Variants in SH2D4A observed in about 807,000 individuals in gnomAD.
SH2D4A encodes SH2 domain containing 4A.
Under a neutral mutation model 64.7 loss-of-function variants are expected in SH2D4A, and 70 were observed. The ratio of observed to expected loss-of-function variants is 1.08; its 90% CI spans 0.89 to 1.32. The LOEUF (loss-of-function observed/expected upper bound fraction) is 1.32, where lower values mean the gene tolerates loss of function less well. SH2D4A is among the 40% of genes most tolerant of loss of function. The probability of loss-of-function intolerance (pLI) is 0.00; values close to 1 mark genes in which losing one functional copy is unlikely to be tolerated. For synonymous variants in SH2D4A, 268 were observed against 200.7 expected (o/e 1.34, Z -2.83); for missense variants, 706 against 540.1 (o/e 1.31, Z -3.04).
chr8:19,389,727 C>T (rs572208095), intron 8 of SH2D4A, among the ~76,000 whole-genome samples: 1 of 152,266 alleles, frequency 6.6e-6, no homozygotes, highest in Non-Finnish European at 1.5e-5. Flanking sequence ...CCAACCTGGG[C>T]AACATGGCGA....
chr8:19,348,039 A>G (rs2052639046), intron 4 of SH2D4A, among the ~76,000 whole-genome samples: 1 of 152,210 alleles, frequency 6.6e-6, no homozygotes, highest in Non-Finnish European at 1.5e-5. Flanking sequence ...ACTAAAGTGT[A>G]CATTTTAGTT....
intron 2 of SH2D4A, among the ~76,000 whole-genome samples, chr8:19,322,047 T>G (rs1395310849): frequency 6.6e-6 from 1 of 152,204 alleles, no homozygotes; most frequent in African/African-American, 2.4e-5. Flanking sequence ...ACGTCAAAAG[T>G]GTATTACTCC....
intron 4 of SH2D4A, among the ~76,000 whole-genome samples, chr8:19,350,621 C>A (rs1169077334): frequency 6.6e-6 from 1 of 152,100 alleles, no homozygotes; most frequent in African/African-American, 2.4e-5. Context: ...GTAGCTGGAA[C>A]TACAGGCGCA....
chr8:19,392,517 C>T (rs138005822), intron 8 of SH2D4A, among the ~76,000 whole-genome samples: 128 of 152,172 alleles, frequency 8.4e-4, no homozygotes, highest in Non-Finnish European at 1.0e-3. Flanking sequence ...CACCTTTGTC[C>T]GAGTGGTTGA....
intron 4 of SH2D4A, among the ~76,000 whole-genome samples, chr8:19,353,699 A>G (rs1415399461): frequency 8.5e-6 from 1 of 118,224 alleles, no homozygotes; most frequent in African/African-American, 3.3e-5. Flanking sequence ...TTTTTTTAAT[A>G]AAGGAAATAA....
At position 19,313,726 on chromosome 8, in the gene SH2D4A, G is replaced by A. The variant is rs959767139; in HGVS notation, c.-302G>A. 5.1e-5 allele frequency: 76 copies of A among 1,502,388 alleles called. No individual in the cohort carries two copies. The East Asian group carries it at 2.0e-3, about 40-fold the overall frequency. The allele number at this position is 1,502,388 out of a possible 1,614,324, so 93.1% of individuals were successfully genotyped here. A position where few individuals can be genotyped will look rare whatever the true frequency, so the allele number is the denominator to read the frequency against. Reference sequence around the variant, plus strand: ...TCAGCCCGCCTGCGCCGCTTGGGACGCCTCTGCCTTTCCCTCCCTCCCTTC... The same window carrying A: ...TCAGCCCGCCTGCGCCGCTTGGGACACCTCTGCCTTTCCCTCCCTCCCTTC... On this transcript the variant is annotated 5_prime_UTR_variant, in exon 1 of 10. Transcript: ENST00000265807.
At chr8:19,338,828 G>C (rs1177210678) in intron 4 of SH2D4A, among the ~76,000 whole-genome samples, 5 of 152,204 alleles carry the variant, frequency 3.3e-5, no homozygotes, top group Admixed American at 6.5e-5. Flanking sequence ...AGTACAATCT[G>C]GTAGGATTTT....
At chr8:19,354,534 C>T (rs1032308161) in intron 4 of SH2D4A, among the ~76,000 whole-genome samples, 12 of 152,164 alleles carry the variant, frequency 7.9e-5, no homozygotes, top group Middle Eastern at 3.4e-3. Flanking sequence ...AATTCATAAC[C>T]GCGTCAGATC....
At chr8:19,363,202 A>G (rs1484464451) in intron 6 of SH2D4A, among the ~76,000 whole-genome samples, 1 of 152,038 alleles carries the variant, frequency 6.6e-6, no homozygotes, top group Non-Finnish European at 1.5e-5. Flanking sequence ...CAGCCTCCCC[A>G]GTAGCTAGGA....
chr8:19,389,591 G>A (rs536530223), intron 8 of SH2D4A, among the ~76,000 whole-genome samples: 11 of 152,236 alleles, frequency 7.2e-5, no homozygotes, highest in African/African-American at 2.2e-4. Context: ...CAGACCTCAC[G>A]CAGTGACATC....
chr8:19,380,298 A>C (rs1368801756), intron 8 of SH2D4A, among the ~76,000 whole-genome samples: 1 of 152,166 alleles, frequency 6.6e-6, no homozygotes, highest in Non-Finnish European at 1.5e-5. Flanking sequence ...TAATTTAAAA[A>C]TATTTTCGCC....
intron 8 of SH2D4A, chr8:19,375,279 A>C (rs2053173415): frequency 6.6e-6 from 1 of 152,236 alleles, no homozygotes; most frequent in African/African-American, 2.4e-5. Context: ...AAGAAGATAC[A>C]GTTTCACATT....
At chr8:19,352,633 C>A (rs1014335283) in intron 4 of SH2D4A, among the ~76,000 whole-genome samples, 1 of 152,162 alleles carries the variant, frequency 6.6e-6, no homozygotes, top group Non-Finnish European at 1.5e-5. Context: ...CATATGTTCT[C>A]TCTGGGAGAC....
chr8:19,326,829 A>T (rs937380684), intron 2 of SH2D4A, among the ~76,000 whole-genome samples: 1 of 152,134 alleles, frequency 6.6e-6, no homozygotes, highest in Non-Finnish European at 1.5e-5. Context: ...ACCTTAGCTG[A>T]ATCTAAGGCT....
At chr8:19,321,510 G>A (rs2052191650) in intron 2 of SH2D4A, among the ~76,000 whole-genome samples, 1 of 152,156 alleles carries the variant, frequency 6.6e-6, no homozygotes, top group Non-Finnish European at 1.5e-5. Context: ...CACTGAAGCT[G>A]GCCATGAAAC....
chr8:19,385,005 T>C (rs944351905), intron 8 of SH2D4A, among the ~76,000 whole-genome samples: 3 of 152,224 alleles, frequency 2.0e-5, no homozygotes, highest in African/African-American at 7.2e-5. Context: ...ATGAACACTC[T>C]TACTCAAATG....
intron 4 of SH2D4A, among the ~76,000 whole-genome samples, chr8:19,355,694 C>T (rs1486343914): frequency 6.6e-6 from 1 of 152,174 alleles, no homozygotes; most frequent in Non-Finnish European, 1.5e-5. Context: ...TGTTGCCCAT[C>T]CATCACAGAT....
At chr8:19,386,117 C>T (rs1381968641) in intron 8 of SH2D4A, among the ~76,000 whole-genome samples, 2 of 152,196 alleles carry the variant, frequency 1.3e-5, no homozygotes, top group Admixed American at 6.5e-5. Context: ...GCTGGAAGTC[C>T]ATTCCCAGGC....
chr8:19,333,876 C>G (rs1264867251), intron 3 of SH2D4A, among the ~76,000 whole-genome samples: 1 of 152,164 alleles, frequency 6.6e-6, no homozygotes, highest in Non-Finnish European at 1.5e-5. Flanking sequence ...ACCAAGATCC[C>G]TAGACTTGAC....
Sources: gnomAD v4.1 joint callset for allele counts (sites outside exome capture counted in the v4.1 genomes callset) on GRCh38, gnomAD v4.1.1 for gene constraint, MANE v1.5 for transcripts, NCBI Gene and HGNC (gene_info 2026-07-23, HGNC 2026-07-21) for gene names.